The following CEP89 variants were observed in gnomAD, a reference collection of about 807,000 sequenced individuals.
CEP89 encodes the protein centrosomal protein of 89 kDa.
CEP89 carries 95 observed loss-of-function variants against 97.6 expected under a neutral mutation model. That is an observed-to-expected ratio of 0.97 (90% CI 0.82 to 1.15). CEP89 has a LOEUF of 1.15. Ranked by LOEUF, CEP89 falls within the 50% of genes most tolerant of loss-of-function variation. The pLI is 0.00. For missense variants in CEP89, 869 were observed against 947.7 expected, an observed-to-expected ratio of 0.92 and a Z score of 1.09; for synonymous variants, 354 against 349.1, an observed-to-expected ratio of 1.01 and a Z score of -0.16.
intron 17 of CEP89, among the ~76,000 whole-genome samples, chr19:32,882,430 G>A (rs1969303786): frequency 6.6e-6 from 1 of 152,010 alleles, no homozygotes; most frequent in South Asian, 2.1e-4. Flanking sequence ...AGGCGTTGTA[G>A]TGCATGCCTG....
chr19:32,895,751 A>T (rs368214129), intron 16 of CEP89, among the ~76,000 whole-genome samples: 1 of 29,118 alleles, frequency 3.4e-5, no homozygotes, highest in South Asian at 7.2e-4. Flanking sequence ...TAGATCTGAT[A>T]AAAAAAAAAA....
intron 4 of CEP89, among the ~76,000 whole-genome samples, chr19:32,952,319 G>GAA (rs11428227): frequency 1.4e-3 from 178 of 131,436 alleles, no homozygotes; most frequent in East Asian, 5.5e-3. Flanking sequence ...TGGCCCTATA[G>GAA]AAAAAAAAAA....
intron 2 of CEP89, among the ~76,000 whole-genome samples, chr19:32,962,093 T>C (rs745848840): frequency 1.3e-5 from 2 of 151,910 alleles, no homozygotes; most frequent in South Asian, 2.1e-4. Context: ...CACACTGATA[T>C]GGTTTGGCTC....
intron 14 of CEP89, among the ~76,000 whole-genome samples, chr19:32,910,539 T>C (rs1969979365): frequency 6.6e-6 from 1 of 152,236 alleles, no homozygotes; most frequent in African/African-American, 2.4e-5. Context: ...AATTTTAGTA[T>C]ACTGTAACTT....
At chr19:32,958,270 G>GT (rs1331738328) in intron 3 of CEP89, among the ~76,000 whole-genome samples, 2 of 151,690 alleles carry the variant, frequency 1.3e-5, no homozygotes, top group Non-Finnish European at 2.9e-5. Context: ...AATACATTAA[G>GT]TATTTATATA....
At chr19:32,917,519 T>A (rs1225523362) in intron 13 of CEP89, among the ~76,000 whole-genome samples, 1 of 152,226 alleles carries the variant, frequency 6.6e-6, no homozygotes, top group Non-Finnish European at 1.5e-5. Flanking sequence ...TGCCACAGCC[T>A]CATGCAAGAT....
chr19:32,937,062 A>T (rs1970594626), intron 7 of CEP89: 1 of 156,102 alleles, frequency 6.4e-6, no homozygotes, highest in Non-Finnish European at 1.4e-5. Context: ...GCACACTGGC[A>T]CCACAGACAT....
chr19:32,886,623 G>A (rs1192508091), intron 17 of CEP89, among the ~76,000 whole-genome samples: 8 of 152,288 alleles, frequency 5.3e-5, no homozygotes, highest in Admixed American at 5.2e-4. Flanking sequence ...GTCTCCTCCG[G>A]GTGAGCCGGT....
chr19:32,895,870 A>G (rs906140796), intron 16 of CEP89, among the ~76,000 whole-genome samples: 4 of 152,220 alleles, frequency 2.6e-5, no homozygotes, highest in Non-Finnish European at 5.9e-5. Flanking sequence ...AATCCCATTT[A>G]CAATAGCTAC....
At chr19:32,913,639 C>CTTT (rs71301617) in intron 14 of CEP89, among the ~76,000 whole-genome samples, 12 of 138,238 alleles carry the variant, frequency 8.7e-5, no homozygotes, top group South Asian at 4.5e-4. Context: ...TACACACACA[C>CTTT]TTTTTTTTTT....
At chr19:32,956,100 G>T (rs529609300) in intron 3 of CEP89, among the ~76,000 whole-genome samples, 22 of 133,606 alleles carry the variant, frequency 1.6e-4, no homozygotes, top group African/African-American at 6.1e-4. Context: ...CTGTCCCCCA[G>T]GCTGGAGTGC....
intron 8 of CEP89, among the ~76,000 whole-genome samples, 192 bp from the exon 9 acceptor site, chr19:32,931,763 C>A (rs1209243259): frequency 6.6e-6 from 1 of 152,030 alleles, no homozygotes; most frequent in Non-Finnish European, 1.5e-5. Context: ...TTTTTTAACA[C>A]TGAATAGTTA....
At chr19:32,913,531 CT>C (rs1285125925) in intron 14 of CEP89, among the ~76,000 whole-genome samples, 1 of 152,016 alleles carries the variant, frequency 6.6e-6, no homozygotes, top group Non-Finnish European at 1.5e-5. Context: ...ACTCATTTCA[CT>C]TTGCCTAGGA....
At chr19:32,954,997 T>A (rs1395372270) in intron 3 of CEP89, among the ~76,000 whole-genome samples, 1 of 151,786 alleles carries the variant, frequency 6.6e-6, no homozygotes, top group Non-Finnish European at 1.5e-5. Flanking sequence ...TTTTATTTTT[T>A]AAATTGAGAC....
chr19:32,884,705 C>T (rs1050615025), intron 17 of CEP89, among the ~76,000 whole-genome samples: 1 of 152,000 alleles, frequency 6.6e-6, no homozygotes, highest in Non-Finnish European at 1.5e-5. Flanking sequence ...GTTGGGAGTA[C>T]AGGCGCTGGC....
intron 13 of CEP89, chr19:32,917,666 GC>G (rs1385764599): frequency 5.9e-5 from 16 of 269,758 alleles, no homozygotes; most frequent in East Asian, 3.5e-4. Context: ...TCTTAACCTG[GC>G]CCCCTTACAG....
intron 18 of CEP89, 117 bp from the exon 19 acceptor site, chr19:32,879,495 G>T (rs961203651): frequency 2.5e-6 from 2 of 809,228 alleles, no homozygotes; most frequent in East Asian, 2.6e-5. Context: ...CAGAGCCCTC[G>T]GTGCCTGGGT....
chr19:32,898,180 A>G (rs544271266), intron 16 of CEP89, among the ~76,000 whole-genome samples: 8 of 152,356 alleles, frequency 5.3e-5, no homozygotes, highest in African/African-American at 1.7e-4. Flanking sequence ...TATTTACACA[A>G]TGAAATATTA....
At chr19:32,886,980 A>AC (rs920937313) in intron 17 of CEP89, among the ~76,000 whole-genome samples, 5 of 139,932 alleles carry the variant, frequency 3.6e-5, no homozygotes, top group Non-Finnish European at 7.7e-5. Flanking sequence ...GTTCAAGACC[A>AC]CCCTGGGCAA....
Sources: gnomAD v4.1 joint callset for allele counts (sites outside exome capture counted in the v4.1 genomes callset) on GRCh38, gnomAD v4.1.1 for gene constraint, MANE v1.5 for transcripts, NCBI Gene and HGNC (gene_info 2026-07-23, HGNC 2026-07-21) for gene names.